Variants in BMPR2 observed in about 807,000 individuals in gnomAD.
The protein encoded by BMPR2 is bone morphogenetic protein receptor type 2, also known as bone morphogenetic protein receptor type-2.
BMPR2 carries 29 observed loss-of-function variants against 100.8 expected under a neutral mutation model. The ratio of observed to expected loss-of-function variants is 0.29; its 90% confidence interval spans 0.21 to 0.39. BMPR2 has a LOEUF of 0.39. Ranked by LOEUF, BMPR2 falls within the 10% of genes least tolerant of loss-of-function variation. The pLI is 1.00. For synonymous variants in BMPR2, 382 were observed against 442.3 expected (o/e 0.86, Z 1.71); for missense variants, 1,011 against 1,274.5 (o/e 0.79, Z 3.15).
chr2:202,519,191 C>T (rs1239712512), intron 6 of BMPR2, 139 bp downstream of exon 6: 6 of 847,142 alleles, frequency 7.1e-6, no homozygotes, highest in African/African-American at 5.1e-5. Flanking sequence ...GCAAAACTCC[C>T]GTCTCTACTA....
intron 1 of BMPR2, among the ~76,000 whole-genome samples, chr2:202,443,061 A>G (rs894407289): frequency 2.0e-5 from 3 of 150,618 alleles, no homozygotes; most frequent in Non-Finnish European, 2.9e-5. Flanking sequence ...GTTCCTTTAT[A>G]AGAAGAGGAA....
chr2:202,418,655 T>C (rs959045045), intron 1 of BMPR2, among the ~76,000 whole-genome samples: 1 of 152,164 alleles, frequency 6.6e-6, no homozygotes, highest in Non-Finnish European at 1.5e-5. Flanking sequence ...TTCAAAGATT[T>C]TGTAGTTAAG....
At chr2:202,465,154 G>A (rs968588783) in intron 2 of BMPR2, among the ~76,000 whole-genome samples, 175 bp downstream of exon 2, 32 of 152,184 alleles carry the variant, frequency 2.1e-4, no homozygotes, top group African/African-American at 7.7e-4. Flanking sequence ...TCGAGGCTGA[G>A]GTGGGCGGAT....
chr2:202,481,794 A>C (rs1046385667), intron 3 of BMPR2, among the ~76,000 whole-genome samples: 2 of 152,206 alleles, frequency 1.3e-5, no homozygotes, highest in East Asian at 3.8e-4. Context: ...AGCTGCATGT[A>C]GTGTATGTAC....
chr2:202,467,410 T>C, intron 2 of BMPR2, 109 bp from the exon 3 acceptor site: 1 of 955,614 alleles, frequency 1.0e-6, no homozygotes, highest in Non-Finnish European at 1.6e-6. Context: ...AACTGTTTCA[T>C]AGCTTACACG....
chr2:202,491,975 C>T (rs1470463276), intron 3 of BMPR2, among the ~76,000 whole-genome samples: 1 of 152,120 alleles, frequency 6.6e-6, no homozygotes, highest in Non-Finnish European at 1.5e-5. Context: ...CATAGAAAAA[C>T]AGCCCTGAAT....
At chr2:202,416,369 A>G (rs1320170418) in intron 1 of BMPR2, among the ~76,000 whole-genome samples, 1 of 151,576 alleles carries the variant, frequency 6.6e-6, no homozygotes, top group Admixed American at 6.6e-5. Flanking sequence ...GGCTTTATCA[A>G]CCCACCTCGG....
Position 202,555,502 on chromosome 2 carries a change from A to G in BMPR2, c.1837A>G (p.Thr613Ala), listed in dbSNP as rs141038240. Residue 613 changes from threonine (T) to alanine (A), a missense_variant, in exon 12 of 13, where the codon ACA becomes GCA. Around this residue, in one of 6 missense-constraint regions of BMPR2, gnomAD observed 508 missense variants for 552.0 expected, o/e 0.92. Transcript: ENST00000374580. ...TSVTSLSTNT[T>A]TTNTTGLTPS... The stretch of plus-strand genomic sequence containing the variant: ...TGTCACCAGCCTCTCCACCAACACA[A>G]CAACCACAAACACCACAGGACTCAC... The G allele has an allele frequency of 2.1e-5, 34 of 1,613,992 alleles. No individual in the cohort carries two copies. The highest frequency in any genetic ancestry group is 2.7e-5 in the Non-Finnish European group (32 of 1,179,994).
chr2:202,471,912 TTGTGTGTG>T (rs111523279), intron 3 of BMPR2, among the ~76,000 whole-genome samples: 1 of 147,752 alleles, frequency 6.8e-6, no homozygotes, highest in African/African-American at 2.5e-5. Context: ...CAAAAAAAGA[TTGTGTGTG>T]TGTGTGTGTG....
intron 1 of BMPR2, among the ~76,000 whole-genome samples, chr2:202,384,566 TTC>T (rs1491214503): frequency 5.6e-4 from 6 of 10,728 alleles, no homozygotes; most frequent in South Asian, 9.8e-3. Context: ...CTTTCTTTCT[TTC>T]TTTTTCTTTC....
intron 3 of BMPR2, among the ~76,000 whole-genome samples, chr2:202,497,239 G>A (rs558478084): frequency 3.3e-5 from 5 of 152,206 alleles, no homozygotes; most frequent in African/African-American, 9.6e-5. Flanking sequence ...GATGAGTGCC[G>A]CCCCCTGCTC....
intron 1 of BMPR2, among the ~76,000 whole-genome samples, chr2:202,418,802 C>T (rs1422700415): frequency 1.3e-5 from 2 of 152,164 alleles, no homozygotes; most frequent in African/African-American, 2.4e-5. Flanking sequence ...TGTATCTTAT[C>T]AGTCTTTAAA....
intron 3 of BMPR2, among the ~76,000 whole-genome samples, chr2:202,499,585 C>T (rs1687330182): frequency 6.6e-6 from 1 of 152,170 alleles, no homozygotes. Flanking sequence ...CTTCTGCCTT[C>T]CTCGAGCGGC....
chr2:202,454,168 C>T (rs1692042468), intron 1 of BMPR2, among the ~76,000 whole-genome samples: 1 of 152,170 alleles, frequency 6.6e-6, no homozygotes, highest in South Asian at 2.1e-4. Context: ...CTCCCGGGCT[C>T]AAGTGATCCT....
intron 3 of BMPR2, among the ~76,000 whole-genome samples, chr2:202,488,693 A>G (rs879279605): frequency 3.3e-5 from 5 of 152,040 alleles, no homozygotes; most frequent in African/African-American, 1.2e-4. Flanking sequence ...TCGGCCTCCC[A>G]AAGTGCTAGA....
chr2:202,377,578 G>C, intron 1 of BMPR2, 28 bp downstream of exon 1: 2 of 1,612,862 alleles, frequency 1.2e-6, no homozygotes, highest in Non-Finnish European at 1.7e-6. Flanking sequence ...GCACGTCCCG[G>C]CCACTGCCCC....
intron 3 of BMPR2, among the ~76,000 whole-genome samples, chr2:202,477,035 AG>A (rs1181697354): frequency 6.6e-6 from 1 of 152,018 alleles, no homozygotes. Context: ...AATGATTAAG[AG>A]CATAGGTCAT....
At chr2:202,413,456 A>G (rs1462149546) in intron 1 of BMPR2, among the ~76,000 whole-genome samples, 1 of 152,190 alleles carries the variant, frequency 6.6e-6, no homozygotes, top group Non-Finnish European at 1.5e-5. Flanking sequence ...AAACAACATT[A>G]TATATTGATC....
At chr2:202,419,432 C>G (rs1691209851) in intron 1 of BMPR2, among the ~76,000 whole-genome samples, 2 of 152,172 alleles carry the variant, frequency 1.3e-5, no homozygotes. Flanking sequence ...TCTCAGCTCA[C>G]TGCAACCTCT....
Sources: gnomAD v4.1 joint callset for allele counts (sites outside exome capture counted in the v4.1 genomes callset) on GRCh38, gnomAD v4.1.1 for gene constraint, gnomAD v4.1.1 regional missense constraint, MANE v1.5 for transcripts, NCBI Gene and HGNC (gene_info 2026-07-23, HGNC 2026-07-21) for gene names.